DSTYK: variants seen among roughly 807,000 people sequenced by gnomAD.
DSTYK encodes RIP-homologous kinase.
A neutral mutation model predicts 98.7 loss-of-function variants in DSTYK; 34 were observed. The observed-to-expected ratio is 0.34, with a 90% CI of 0.26 to 0.46. The LOEUF is 0.46. Ranked by LOEUF, DSTYK falls within the 20% of genes least tolerant of loss-of-function variation. The probability of loss-of-function intolerance (pLI) is 1.00; values close to 1 mark genes in which losing one functional copy is unlikely to be tolerated. For missense variants in DSTYK, 962 were observed against 1,181.7 expected, an observed-to-expected ratio of 0.81 and a Z score of 2.73; for synonymous variants, 462 against 457.3, an observed-to-expected ratio of 1.01 and a Z score of -0.13.
chr1:205,176,763 C>T (rs1419493819), intron 2 of DSTYK, among the ~76,000 whole-genome samples: 2 of 152,004 alleles, frequency 1.3e-5, no homozygotes, highest in African/African-American at 4.8e-5. Context: ...TTTTAAATGC[C>T]AAGAAGTAAT....
At chr1:205,174,695 C>A (rs1204212301) in intron 2 of DSTYK, among the ~76,000 whole-genome samples, 2 of 148,792 alleles carry the variant, frequency 1.3e-5, no homozygotes, top group Non-Finnish European at 3.0e-5. Context: ...AAAAAAATTA[C>A]TTAATTAATT....
In DSTYK at chr1:205,145,525, G is replaced by GTTTTTTTTTTTTTTTTTTTTTTT. The variant is rs61220458; in HGVS notation, c.*2032_*2033insAAAAAAAAAAAAAAAAAAAAAAA. 5.6e-5 allele frequency: 7 copies of GTTTTTTTTTTTTTTTTTTTTTTT among 125,544 alleles called. 2 individuals are homozygous for GTTTTTTTTTTTTTTTTTTTTTTT. Among genetic ancestry groups the GTTTTTTTTTTTTTTTTTTTTTTT allele is most frequent in the Non-Finnish European group, 3.4e-5 (2 of 59,288 alleles). 7.8% of individuals were successfully genotyped at this position (125,544 alleles called of 1,614,324 possible). On this transcript the variant is annotated 3_prime_UTR_variant, in exon 13 of 13. Coordinates refer to ENST00000367162, the MANE Select transcript of DSTYK (RefSeq NM_015375.3). Reference sequence around the variant, plus strand: ...GATGTGCGACTCATCTTTGTTTTTTGTTTTTTTTTTTGTTTTTTTTTGAGA... The same window carrying GTTTTTTTTTTTTTTTTTTTTTTT: ...GATGTGCGACTCATCTTTGTTTTTTGTTTTTTTTTTTTTTTTTTTTTTTTTTTTTTTTTTGTTTTTTTTTGAGA...
intron 8 of DSTYK, 56 bp from the exon 9 acceptor site, chr1:205,159,735 CATGCCACA>C: frequency 1.2e-6 from 2 of 1,605,388 alleles, no homozygotes; most frequent in Non-Finnish European, 1.7e-6. Context: ...TCCTGCATGC[CATGCCACA>C]ATGTATGAGA....
In DSTYK at chr1:205,162,905, C is replaced by G; in HGVS notation, c.1641+18G>C. 6.3e-7 allele frequency: 1 copy of G among 1,596,558 alleles called. No homozygotes were observed. The highest frequency in any genetic ancestry group is 1.7e-5 in the Admixed American group (1 of 60,012). On this transcript the variant is annotated intron_variant, in intron 5 of 12. Transcript: ENST00000367162. ...CAACTAGGGGCTTTGAAATCTTTCT[C>G]TAAGTAATAATCCCTACCTGTTTGA...
intron 2 of DSTYK, among the ~76,000 whole-genome samples, chr1:205,178,500 C>T (rs988511704): frequency 5.3e-5 from 8 of 152,098 alleles, no homozygotes; most frequent in Admixed American, 5.2e-4. Context: ...GAAAACTTTA[C>T]CTTTCAACTT....
chr1:205,200,971 T>C (rs1284914590), intron 1 of DSTYK, among the ~76,000 whole-genome samples: 1 of 151,972 alleles, frequency 6.6e-6, no homozygotes, highest in Non-Finnish European at 1.5e-5. Context: ...AATGGTGCAA[T>C]CTTGGCTCAC....
intron 1 of DSTYK, among the ~76,000 whole-genome samples, chr1:205,190,943 A>G (rs2102457004): frequency 6.6e-6 from 1 of 152,352 alleles, no homozygotes; most frequent in South Asian, 2.1e-4. Context: ...TTTCAGGACG[A>G]GAGGGAGAGA....
intron 1 of DSTYK, chr1:205,202,431 T>C: frequency 1.3e-6 from 1 of 750,260 alleles, no homozygotes; most frequent in South Asian, 1.3e-5. Context: ...CTGGACAAGG[T>C]CAGTGGCCCA....
At chr1:205,195,860 G>C (rs1486124186) in intron 1 of DSTYK, among the ~76,000 whole-genome samples, 8 of 152,224 alleles carry the variant, frequency 5.3e-5, no homozygotes, top group Non-Finnish European at 1.0e-4. Context: ...GGGTGAAACT[G>C]CTCCTGAGAC....
chr1:205,163,994 A>G, intron 3 of DSTYK, 39 bp from the exon 4 acceptor site: 1 of 1,545,800 alleles, frequency 6.5e-7, no homozygotes, highest in Non-Finnish European at 8.9e-7. Context: ...GTTGTGAGGA[A>G]GAAGGGGCAG....
chr1:205,182,270 G>A (rs2102439905), intron 2 of DSTYK, among the ~76,000 whole-genome samples: 1 of 150,842 alleles, frequency 6.6e-6, no homozygotes, highest in East Asian at 2.0e-4. Context: ...GCATGGTGAC[G>A]CACGCCTGTA....
chr1:205,161,515 A>T, intron 6 of DSTYK, 128 bp from the exon 7 acceptor site: 4 of 1,007,574 alleles, frequency 4.0e-6, no homozygotes, highest in Non-Finnish European at 5.7e-6. Context: ...TACATGTAAC[A>T]TGTTTAGCAC....
chr1:205,159,671 G>A lies in DSTYK; in HGVS notation c.2114C>T (p.Pro705Leu), dbSNP rs201385262. Residue 705 changes from proline (P) to leucine (L), a missense_variant, in exon 9 of 13, where the codon CCG (proline) becomes CTG (leucine). Pro to Leu is a moderately conservative substitution (Grantham distance 98). Around this residue, in one of 4 missense-constraint regions of DSTYK, gnomAD observed 660 missense variants for 855.0 expected, o/e 0.77. Transcript: ENST00000367162. ...ALEFHYMRSLPKHERLVDLHG... is the reference protein window; with the variant it reads ...ALEFHYMRSLLKHERLVDLHG... ...GAGATCCACCAATCGCTCATGCTTC[G>A]GCAGAGACCTGGAGGGAAGGAGAGA... 10 of 1,613,224 alleles carry A rather than the reference G, an allele frequency of 6.2e-6. No individual in the cohort carries two copies. The highest frequency in any genetic ancestry group is 2.2e-5 in the East Asian group (1 of 44,886).
chr1:205,164,091 T>A, intron 3 of DSTYK, 136 bp from the exon 4 acceptor site: 1 of 719,774 alleles, frequency 1.4e-6, no homozygotes, highest in Non-Finnish European at 2.3e-6. Context: ...TCGTTGATGA[T>A]GTCTAACTCT....
rs1658346349 is a variant in DSTYK, at chr1:205,179,902, AC to A, written c.654+7515del. Among the ~76,000 whole-genome samples the A allele has an allele frequency of 1.3e-5, 2 of 152,194 alleles. 1 individual carries two copies. Among genetic ancestry groups the A allele is most frequent in the South Asian group, 4.1e-4 (2 of 4,834 alleles). On this transcript the variant is annotated intron_variant, in intron 2 of 12. Transcript: ENST00000367162. ...CCATCCATCCTCTACTCAGAAGGAA[AC>A]AAACAAATATGTGAGATAGTAAAAA...
At chr1:205,206,422 G>C (rs1456356234) in intron 1 of DSTYK, among the ~76,000 whole-genome samples, 4 of 151,490 alleles carry the variant, frequency 2.6e-5, no homozygotes, top group South Asian at 2.1e-4. Flanking sequence ...TGGGATTACA[G>C]GCATGCACCA....
At chr1:205,200,239 T>C (rs1012302110) in intron 1 of DSTYK, among the ~76,000 whole-genome samples, 10 of 152,254 alleles carry the variant, frequency 6.6e-5, no homozygotes, top group Admixed American at 2.0e-4. Context: ...GGTTTCACCA[T>C]GTTGGCCAGG....
chr1:205,159,491 T>C (rs937783458), intron 9 of DSTYK, 56 bp downstream of exon 9: 47 of 1,557,038 alleles, frequency 3.0e-5, no homozygotes, highest in African/African-American at 5.4e-5. Context: ...AGAGGATGAG[T>C]GGCCAGAAAG....
rs1558619752 is a variant in DSTYK, at chr1:205,187,690, A to G, written c.382T>C (p.Leu128=). ...GQDCNVKCQL[L]NLLLGVQVLP... ...ACCTGCACCCCCAACAGCAGATTCAACAGCTGGCACTTGACGTTACAATCC... is the reference window on the plus strand; with the variant it reads ...ACCTGCACCCCCAACAGCAGATTCAGCAGCTGGCACTTGACGTTACAATCC... Residue 128 remains leucine, a synonymous_variant, in exon 2 of 13, where the codon TTG becomes CTG. Transcript: ENST00000367162. 1.2e-6 allele frequency: 2 copies of G among 1,614,078 alleles called. No individual in the cohort carries two copies. The highest frequency in any genetic ancestry group is 2.2e-5 in the East Asian group (1 of 44,892).
Sources: allele counts gnomAD v4.1 joint callset (sites outside exome capture counted in the v4.1 genomes callset), GRCh38; gene constraint gnomAD v4.1.1; regional missense constraint gnomAD v4.1.1; transcripts MANE v1.5; gene names NCBI Gene and HGNC (gene_info 2026-07-23, HGNC 2026-07-21).